The following PPP1R12B variants were observed in gnomAD, a reference collection of about 807,000 sequenced individuals.
The protein encoded by PPP1R12B is myosin phosphatase target subunit 2.
Under a neutral mutation model 126.1 loss-of-function variants are expected in PPP1R12B, and 76 were observed. The ratio of observed to expected loss-of-function variants is 0.60; its 90% CI spans 0.50 to 0.73. PPP1R12B has a LOEUF of 0.73. PPP1R12B is among the 30% of genes least tolerant of loss of function. The pLI, the probability that PPP1R12B is intolerant of heterozygous loss-of-function variation, is 0.00. For synonymous variants in PPP1R12B, 356 were observed against 434.7 expected, an observed-to-expected ratio of 0.82 and a Z score of 2.25; for missense variants, 1,052 against 1,205.1, an observed-to-expected ratio of 0.87 and a Z score of 1.88.
intron 18 of PPP1R12B, among the ~76,000 whole-genome samples, chr1:202,526,921 T>A (rs1477287580): frequency 6.6e-6 from 1 of 152,162 alleles, no homozygotes; most frequent in African/African-American, 2.4e-5. Flanking sequence ...TCACATTAGA[T>A]CTTGTAGAGT....
At chr1:202,540,295 T>G (rs1447251919) in intron 18 of PPP1R12B, 9 of 1,394,908 alleles carry the variant, frequency 6.5e-6, no homozygotes, top group Non-Finnish European at 9.0e-6. Context: ...AGGTAGAGAA[T>G]GTGTATATAT....
intron 13 of PPP1R12B, among the ~76,000 whole-genome samples, chr1:202,456,376 C>T (rs1190247459): frequency 2.0e-5 from 3 of 152,090 alleles, no homozygotes; most frequent in South Asian, 2.1e-4. Context: ...GGCTCCCTTG[C>T]CCATTATAAA....
chr1:202,439,798 C>T (rs1282912927), intron 10 of PPP1R12B: 17 of 439,202 alleles, frequency 3.9e-5, no homozygotes, highest in Non-Finnish European at 5.1e-5. Flanking sequence ...TTCCTCCCCA[C>T]TCCCCTTCTC....
intron 9 of PPP1R12B, among the ~76,000 whole-genome samples, chr1:202,436,889 G>A (rs747297794): frequency 6.6e-6 from 1 of 151,284 alleles, no homozygotes; most frequent in African/African-American, 2.4e-5. Flanking sequence ...GTTTTTGCTG[G>A]TCAGTGAAAT....
chr1:202,464,349 G>T (rs1283115910), intron 13 of PPP1R12B, among the ~76,000 whole-genome samples: 2 of 152,142 alleles, frequency 1.3e-5, no homozygotes, highest in Non-Finnish European at 2.9e-5. Context: ...CATGTGTAGT[G>T]ATCTTCTATG....
intron 18 of PPP1R12B, among the ~76,000 whole-genome samples, chr1:202,512,027 A>G (rs983721818): frequency 3.9e-5 from 6 of 152,196 alleles, no homozygotes; most frequent in African/African-American, 1.4e-4. Context: ...AGAAATACAG[A>G]CATGGAAGTC....
chr1:202,472,130 G>T, intron 13 of PPP1R12B: 4 of 1,409,108 alleles, frequency 2.8e-6, no homozygotes, highest in South Asian at 1.3e-5. Flanking sequence ...TCTCATGTGC[G>T]TAGGTCATCA....
At chr1:202,375,949 G>GGGA (rs1661113015) in intron 1 of PPP1R12B, among the ~76,000 whole-genome samples, 1 of 152,240 alleles carries the variant, frequency 6.6e-6, no homozygotes, top group South Asian at 2.1e-4. Flanking sequence ...GCTCTGGGAA[G>GGGA]GGAGGGAGTG....
intron 1 of PPP1R12B, among the ~76,000 whole-genome samples, chr1:202,390,276 A>G (rs1663925681): frequency 6.6e-6 from 1 of 152,238 alleles, no homozygotes; most frequent in Non-Finnish European, 1.5e-5. Context: ...CAAAAGTTAA[A>G]ATAGATCAAA....
At chr1:202,501,584 C>T (rs1003513070) in intron 18 of PPP1R12B, among the ~76,000 whole-genome samples, 2 of 152,098 alleles carry the variant, frequency 1.3e-5, no homozygotes, top group African/African-American at 4.8e-5. Flanking sequence ...GTTGAAGGAC[C>T]GGGTTCAATG....
intron 1 of PPP1R12B, among the ~76,000 whole-genome samples, chr1:202,401,893 AG>A (rs1665896908): frequency 6.6e-6 from 1 of 152,080 alleles, no homozygotes; most frequent in African/African-American, 2.4e-5. Context: ...CAGTTGAGAC[AG>A]ATTGAAAGCA....
intron 18 of PPP1R12B, among the ~76,000 whole-genome samples, chr1:202,510,779 C>A (rs184721886): frequency 5.3e-5 from 8 of 151,448 alleles, no homozygotes; most frequent in African/African-American, 1.9e-4. Context: ...AAATTCCTGA[C>A]CTCATAATAC....
chr1:202,434,161 G>C (rs891954822), intron 8 of PPP1R12B, among the ~76,000 whole-genome samples: 4 of 152,142 alleles, frequency 2.6e-5, no homozygotes, highest in Admixed American at 2.6e-4. Flanking sequence ...ACCATACTCT[G>C]AGGTATGTAT....
At chr1:202,429,000 T>G in intron 6 of PPP1R12B, 71 bp downstream of exon 6, 1 of 1,313,442 alleles carries the variant, frequency 7.6e-7, no homozygotes, top group Non-Finnish European at 1.1e-6. Flanking sequence ...CTCAATCACT[T>G]GTTTCAGTTG....
chr1:202,364,908 C>T (rs1386308655), intron 1 of PPP1R12B, among the ~76,000 whole-genome samples: 2 of 151,886 alleles, frequency 1.3e-5, no homozygotes, highest in Non-Finnish European at 2.9e-5. Flanking sequence ...GATGTGGTCT[C>T]ACTGTGTTGC....
rs568154469 is a variant in PPP1R12B, at chr1:202,497,272, A to G, written c.2490+450A>G. ...TTTGAGATAAGATTAAACATCTGGC[A>G]TCTTACATAACTCTGCCCTTTTAAG... On this transcript the variant is annotated intron_variant, in intron 18 of 23. Transcript: ENST00000608999. 3.3e-5 allele frequency among the ~76,000 whole-genome samples: 5 copies of G among 152,368 alleles called. No homozygotes were observed. In the South Asian group the frequency reaches 1.0e-3, roughly 32 times the overall value.
Position 202,434,559 on chromosome 1 carries a change from AT to A in PPP1R12B, c.1142-96del, listed in dbSNP as rs1476563679. ...TACAGGGCCTTAATAATCTGTTTTG[AT>A]AATGGGCAAATCTTTTCTATTAGCA... On this transcript the variant is annotated intron_variant, in intron 8 of 23. Coordinates refer to ENST00000608999, the MANE Select transcript of PPP1R12B (RefSeq NM_002481.4). 3.4e-6 allele frequency: 5 copies of A among 1,457,268 alleles called. No individual in the cohort carries two copies. In the African/African-American group the frequency reaches 5.8e-5, roughly 17 times the overall value. 90.3% of individuals were successfully genotyped at this position (1,457,268 alleles called of 1,614,324 possible).
intron 1 of PPP1R12B, among the ~76,000 whole-genome samples, chr1:202,381,239 G>T (rs1409632083): frequency 1.3e-5 from 2 of 152,122 alleles, no homozygotes; most frequent in Non-Finnish European, 2.9e-5. Flanking sequence ...CTGAATTTCA[G>T]TGGGGGCAAG....
intron 10 of PPP1R12B, chr1:202,438,663 C>T (rs982710377): frequency 3.0e-5 from 17 of 565,180 alleles, no homozygotes; most frequent in Admixed American, 5.0e-5. Flanking sequence ...AGGAAGAAGA[C>T]GCTTGTCCCA....
Sources: allele counts gnomAD v4.1 joint callset (sites outside exome capture counted in the v4.1 genomes callset), GRCh38; gene constraint gnomAD v4.1.1; transcripts MANE v1.5; gene names NCBI Gene and HGNC (gene_info 2026-07-23, HGNC 2026-07-21).